The following EYS variants were observed in gnomAD, a reference collection of about 807,000 sequenced individuals.
EYS encodes EGF-like photoreceptor maintenance factor.
In EYS, 250 loss-of-function variants were observed where a neutral mutation model predicts 282.1. That is an observed-to-expected ratio of 0.89 (90% CI 0.80 to 0.98). The LOEUF (loss-of-function observed/expected upper bound fraction) is 0.98, where lower values mean the gene tolerates loss of function less well. EYS is among the 50% of genes least tolerant of loss of function. EYS has a pLI of 0.00. For synonymous variants in EYS, 1,355 were observed against 1,282.9 expected (o/e 1.06, Z -1.20); for missense variants, 4,016 against 3,709.0 (o/e 1.08, Z -2.15).
At chr6:64,453,686 G>C (rs1245180376) in intron 26 of EYS, among the ~76,000 whole-genome samples, 1 of 152,158 alleles carries the variant, frequency 6.6e-6, no homozygotes, top group Admixed American at 6.5e-5. Context: ...CATAAAAAAT[G>C]ATGAGCTCAT....
chr6:65,400,789 C>G (rs1766465328), intron 7 of EYS, among the ~76,000 whole-genome samples: 1 of 151,872 alleles, frequency 6.6e-6, no homozygotes, highest in Non-Finnish European at 1.5e-5. Context: ...TATTCTTCTC[C>G]TTTCCACATT....
chr6:64,625,702 T>C (rs1767586576), intron 23 of EYS, among the ~76,000 whole-genome samples: 1 of 152,234 alleles, frequency 6.6e-6, no homozygotes, highest in African/African-American at 2.4e-5. Flanking sequence ...CAATTATTCC[T>C]TGAAGAAAAC....
chr6:65,133,232 C>CA (rs199988928), intron 12 of EYS, among the ~76,000 whole-genome samples: 12 of 150,910 alleles, frequency 8.0e-5, no homozygotes, highest in South Asian at 2.1e-4. Context: ...TTTGAAACAA[C>CA]AAAAAAAAGT....
At chr6:63,890,082 C>A (rs1010976086) in intron 35 of EYS, among the ~76,000 whole-genome samples, 1 of 152,180 alleles carries the variant, frequency 6.6e-6, no homozygotes, top group Non-Finnish European at 1.5e-5. Flanking sequence ...AATATATATG[C>A]ACCCAATACA....
At position 65,168,123 on chromosome 6, in the gene EYS, T is replaced by A. The variant is rs1052304890; in HGVS notation, c.2024-110396A>T. On this transcript the variant is annotated intron_variant, in intron 12 of 42. Coordinates refer to ENST00000503581, the MANE Select transcript of EYS (RefSeq NM_001142800.2). ...TGTCCTTTTTCCTTAAATCTATGGT[T>A]ATTTCTCAATCTGTTAGTGACATGA... 3.3e-5 allele frequency among the ~76,000 whole-genome samples: 5 copies of A among 151,472 alleles called. No individual in the cohort carries two copies. In the East Asian group the frequency reaches 9.8e-4, roughly 30 times the overall value.
intron 14 of EYS, among the ~76,000 whole-genome samples, chr6:64,953,981 C>T (rs6455017): frequency 0.47 from 70,958 of 149,624 alleles, 17,051 homozygotes; most frequent in African/African-American, 0.59. Context: ...AGTCATTGTT[C>T]CCATGTGATT....
At chr6:63,892,951 G>A (rs576954641) in intron 35 of EYS, among the ~76,000 whole-genome samples, 2 of 152,018 alleles carry the variant, frequency 1.3e-5, no homozygotes, top group East Asian at 1.9e-4. Flanking sequence ...AAAAGAAGAC[G>A]TTTATGCAGC....
At chr6:64,660,721 C>T (rs1353430651) in intron 22 of EYS, among the ~76,000 whole-genome samples, 3 of 152,130 alleles carry the variant, frequency 2.0e-5, no homozygotes, top group Non-Finnish European at 2.9e-5. Context: ...CAAACCACTG[C>T]TCAATGAAAT....
chr6:64,635,388 C>A (rs1767938293), intron 22 of EYS, among the ~76,000 whole-genome samples: 1 of 152,156 alleles, frequency 6.6e-6, no homozygotes, highest in African/African-American at 2.4e-5. Flanking sequence ...AGAGGGCATC[C>A]CTGTCTTGTG....
intron 12 of EYS, among the ~76,000 whole-genome samples, chr6:65,191,547 C>T (rs1765641881): frequency 6.6e-6 from 1 of 151,770 alleles, no homozygotes; most frequent in Non-Finnish European, 1.5e-5. Flanking sequence ...CTGTGAATGC[C>T]AATCACACAC....
chr6:64,332,639 G>C (rs1483988359), intron 29 of EYS, among the ~76,000 whole-genome samples: 1 of 152,126 alleles, frequency 6.6e-6, no homozygotes, highest in Non-Finnish European at 1.5e-5. Flanking sequence ...TGATCCTGTG[G>C]TGAGACCAAG....
chr6:64,730,805 G>A (rs1234274708), intron 22 of EYS: 1 of 152,108 alleles, frequency 6.6e-6, no homozygotes, highest in Non-Finnish European at 1.5e-5. Context: ...ATGGTGACAA[G>A]AGCAAACTGT....
chr6:65,314,654 G>A (rs992063314), intron 11 of EYS, among the ~76,000 whole-genome samples: 6 of 149,692 alleles, frequency 4.0e-5, no homozygotes, highest in Non-Finnish European at 3.0e-5. Flanking sequence ...CATTAAGAGA[G>A]TTGCAGCTAG....
chr6:64,726,094 T>C (rs1404542550), intron 22 of EYS, among the ~76,000 whole-genome samples: 1 of 152,108 alleles, frequency 6.6e-6, no homozygotes. Flanking sequence ...CTCATTCTTT[T>C]CCTTCTTTAT....
chr6:63,805,047 T>C (rs768226686), intron 37 of EYS, among the ~76,000 whole-genome samples: 1 of 150,930 alleles, frequency 6.6e-6, no homozygotes, highest in Non-Finnish European at 1.5e-5. Context: ...CAGAAAAGAG[T>C]GTTTGGTATT....
chr6:64,405,823 G>C (rs1172488403), intron 28 of EYS, among the ~76,000 whole-genome samples: 1 of 152,172 alleles, frequency 6.6e-6, no homozygotes, highest in African/African-American at 2.4e-5. Context: ...GGAAACAAGA[G>C]AGGAAACAAA....
intron 26 of EYS, among the ~76,000 whole-genome samples, chr6:64,463,173 G>A (rs530730540): frequency 5.9e-5 from 9 of 152,006 alleles, no homozygotes; most frequent in Admixed American, 2.0e-4. Flanking sequence ...GGATGGTCTC[G>A]ATCTCCTGAC....
At chr6:64,657,884 G>C (rs2149884189) in intron 22 of EYS, among the ~76,000 whole-genome samples, 1 of 152,206 alleles carries the variant, frequency 6.6e-6, no homozygotes, top group East Asian at 1.9e-4. Context: ...TGTATTTCCT[G>C]AATTTGAATA....
At chr6:63,786,074 T>A (rs973634696) in intron 39 of EYS, 4 of 151,894 alleles carry the variant, frequency 2.6e-5, no homozygotes, top group Admixed American at 6.6e-5. Context: ...TGTAAGGATA[T>A]GTTAGCTGGG....
Sources: gnomAD v4.1 joint callset for allele counts (sites outside exome capture counted in the v4.1 genomes callset) on GRCh38, gnomAD v4.1.1 for gene constraint, MANE v1.5 for transcripts, NCBI Gene and HGNC (gene_info 2026-07-23, HGNC 2026-07-21) for gene names.